Variants in GLMN observed in about 807,000 individuals in gnomAD.
The protein encoded by GLMN is glomulin, FKBP associated protein, also known as glomulin.
A neutral mutation model predicts 87.8 loss-of-function variants in GLMN; 75 were observed. The ratio of observed to expected loss-of-function variants is 0.85; its 90% CI spans 0.71 to 1.04. The LOEUF (loss-of-function observed/expected upper bound fraction) is 1.04, where lower values mean the gene tolerates loss of function less well. Among genes scored for constraint, GLMN ranks in the 50% least tolerant of loss-of-function variants. The probability of loss-of-function intolerance (pLI) is 0.00; values close to 1 mark genes in which losing one functional copy is unlikely to be tolerated. For missense variants in GLMN, 588 were observed against 658.8 expected (o/e 0.89, Z 1.18); for synonymous variants, 206 against 221.6 (o/e 0.93, Z 0.63).
chr1:92,301,843 AAG>A (rs1279541385), upstream of GLMN, among the ~76,000 whole-genome samples: 2 of 152,250 alleles, frequency 1.3e-5, no homozygotes, highest in Non-Finnish European at 2.9e-5. Context: ...CAAAATTAAT[AAG>A]AGTGGATTTC....
In GLMN at chr1:92,259,732, CTTTTT is replaced by C. The variant is rs58390058; in HGVS notation, c.1473+3126_1473+3130del. Among the ~76,000 whole-genome samples, 6 of 108,246 alleles carry C rather than the reference CTTTTT, an allele frequency of 5.5e-5. No homozygotes were observed. In the East Asian group the frequency reaches 1.5e-3, roughly 26 times the overall value. The allele number at this position is 108,246 out of a possible 152,430, so 71.0% of individuals were successfully genotyped here. A position where few individuals can be genotyped will look rare whatever the true frequency, so the allele number is the denominator to read the frequency against. On this transcript the variant is annotated intron_variant, in intron 16 of 18. Coordinates refer to ENST00000370360, the MANE Select transcript of GLMN (RefSeq NM_053274.3). ...ATTTTGTTTTTTCTTTTTTTTCTTT[CTTTTT>C]TTTTTTTTTTTTTTTGAGACAGACT...
intron 7 of GLMN, among the ~76,000 whole-genome samples, chr1:92,279,946 C>G (rs994264890): frequency 6.6e-6 from 1 of 152,212 alleles, no homozygotes; most frequent in African/African-American, 2.4e-5. Context: ...ACAGTGTAAA[C>G]AAAGAGGCCT....
intron 7 of GLMN, among the ~76,000 whole-genome samples, chr1:92,283,950 A>C (rs1029795439): frequency 6.6e-6 from 1 of 152,202 alleles, no homozygotes; most frequent in Admixed American, 6.5e-5. Flanking sequence ...ACTACAAACC[A>C]CTGTTCAACA....
the GLMN span, among the ~76,000 whole-genome samples, chr1:92,322,667 G>T: frequency 6.6e-6 from 1 of 151,910 alleles, no homozygotes; most frequent in Non-Finnish European, 1.5e-5. Flanking sequence ...TTGAGGCCAA[G>T]AATTTGTGAC....
chr1:92,318,115 G>A, the GLMN span, among the ~76,000 whole-genome samples: 1 of 152,308 alleles, frequency 6.6e-6, no homozygotes, highest in Middle Eastern at 3.4e-3. Context: ...TCTACAGTCA[G>A]CGATTACAGT....
At chr1:92,361,077 C>A in the GLMN span, among the ~76,000 whole-genome samples, 2 of 142,594 alleles carry the variant, frequency 1.4e-5, no homozygotes, top group African/African-American at 2.6e-5. Flanking sequence ...AAGCAAAAAG[C>A]ATATATATAT....
At chr1:92,283,923 G>A (rs529114550) in intron 7 of GLMN, among the ~76,000 whole-genome samples, 5 of 152,234 alleles carry the variant, frequency 3.3e-5, no homozygotes, top group African/African-American at 1.2e-4. Flanking sequence ...GGGATGTGAA[G>A]GACCTCTTCA....
the GLMN span, among the ~76,000 whole-genome samples, chr1:92,369,313 G>C: frequency 6.6e-6 from 1 of 152,078 alleles, no homozygotes; most frequent in Non-Finnish European, 1.5e-5. Flanking sequence ...TTAGAGACAA[G>C]GTCTGTCTCG....
At chr1:92,333,284 T>A in the GLMN span, 1 of 800,166 alleles carries the variant, frequency 1.2e-6, no homozygotes, top group Non-Finnish European at 2.1e-6. Flanking sequence ...ATTTTCCTAC[T>A]GTGCCACAGA....
At chr1:92,350,898 C>T in the GLMN span, among the ~76,000 whole-genome samples, 1 of 152,136 alleles carries the variant, frequency 6.6e-6, no homozygotes, top group African/African-American at 2.4e-5. Context: ...CACCACTGCA[C>T]TCCAGCCTGG....
At position 92,266,820 on chromosome 1, in the gene GLMN, G is replaced by A. The variant is rs1655694465; in HGVS notation, c.1099-79C>T. The A allele has an allele frequency of 3.4e-6, 3 of 888,248 alleles. No homozygotes were observed. The Admixed American group carries it at 6.2e-5, about 18-fold the overall frequency. 55.0% of individuals were successfully genotyped at this position (888,248 alleles called of 1,614,324 possible). On this transcript the variant is annotated intron_variant, in intron 11 of 18. Coordinates refer to ENST00000370360, the MANE Select transcript of GLMN (RefSeq NM_053274.3). ...ACAAACAACTATAATACATCAATAG[G>A]ATACTAAAAATTCAGAGAAGTGAGG... is the stretch of plus-strand genomic sequence containing the variant.
chr1:92,308,952 T>A, the GLMN span, among the ~76,000 whole-genome samples: 1 of 151,838 alleles, frequency 6.6e-6, no homozygotes, highest in East Asian at 1.9e-4. Context: ...AGAGTGAGAT[T>A]CTGTCTCAAA....
At chr1:92,315,095 T>G in the GLMN span, among the ~76,000 whole-genome samples, 3 of 151,860 alleles carry the variant, frequency 2.0e-5, no homozygotes, top group Non-Finnish European at 4.4e-5. Context: ...ACAGAGGTCT[T>G]GTCTTGTTGC....
intron 16 of GLMN, among the ~76,000 whole-genome samples, chr1:92,251,441 A>G (rs1557504758): frequency 6.6e-6 from 1 of 152,174 alleles, no homozygotes; most frequent in Non-Finnish European, 1.5e-5. Flanking sequence ...CATATCATAA[A>G]AAGTTTACTT....
chr1:92,331,029 A>AT, the GLMN span, among the ~76,000 whole-genome samples: 1 of 152,178 alleles, frequency 6.6e-6, no homozygotes, highest in East Asian at 1.9e-4. Flanking sequence ...TGGTCTGCTC[A>AT]TTCCATCAGT....
chr1:92,247,019 T>C (rs1230562607), intron 18 of GLMN, 43 bp downstream of exon 18: 1 of 1,066,416 alleles, frequency 9.4e-7, no homozygotes, highest in Non-Finnish European at 1.4e-6. Context: ...CAAGACCCCG[T>C]TTCTAAAGAA....
the GLMN span, among the ~76,000 whole-genome samples, chr1:92,368,478 C>T: frequency 1.3e-5 from 2 of 152,134 alleles, no homozygotes; most frequent in East Asian, 1.9e-4. Flanking sequence ...GCTCAATAAA[C>T]CACAACTTTA....
the GLMN span, among the ~76,000 whole-genome samples, chr1:92,306,122 C>T: frequency 6.6e-6 from 1 of 152,114 alleles, no homozygotes. Flanking sequence ...AATAAGCCAG[C>T]ACAAAAGGAC....
At chr1:92,247,483 G>A (rs111659435) in intron 17 of GLMN, among the ~76,000 whole-genome samples, 2 of 152,048 alleles carry the variant, frequency 1.3e-5, no homozygotes, top group African/African-American at 4.8e-5. Context: ...ACAGATATAC[G>A]GAAGAGATCA....
Sources: allele counts gnomAD v4.1 joint callset (sites outside exome capture counted in the v4.1 genomes callset), GRCh38; gene constraint gnomAD v4.1.1; transcripts MANE v1.5; gene names NCBI Gene and HGNC (gene_info 2026-07-23, HGNC 2026-07-21).